Variants in PDZRN4 observed in about 807,000 individuals in gnomAD.
PDZRN4 encodes the protein PDZ domain-containing RING finger protein 4.
A neutral mutation model predicts 99.0 loss-of-function variants in PDZRN4; 70 were observed. The observed-to-expected ratio is 0.71, with a 90% CI of 0.58 to 0.86. PDZRN4 has a LOEUF of 0.86. Among genes scored for constraint, PDZRN4 ranks in the 40% least tolerant of loss-of-function variants. The pLI is 0.00. For synonymous variants in PDZRN4, 551 were observed against 501.6 expected (o/e 1.10, Z -1.32); for missense variants, 1,474 against 1,331.2 (o/e 1.11, Z -1.67).
At chr12:41,462,403 TA>T (rs1213482274) in intron 3 of PDZRN4, among the ~76,000 whole-genome samples, 1 of 152,202 alleles carries the variant, frequency 6.6e-6, no homozygotes, top group Non-Finnish European at 1.5e-5. Context: ...GCTTTAACTC[TA>T]AAAAGGTATT....
At chr12:41,238,642 C>G (rs151090745) in intron 3 of PDZRN4, among the ~76,000 whole-genome samples, 1 of 152,108 alleles carries the variant, frequency 6.6e-6, no homozygotes, top group East Asian at 1.9e-4. Context: ...CATCACTGAT[C>G]ATTAGAGAAA....
intron 5 of PDZRN4, among the ~76,000 whole-genome samples, chr12:41,518,728 C>T (rs1938444941): frequency 6.6e-6 from 1 of 151,954 alleles, no homozygotes; most frequent in South Asian, 2.1e-4. Context: ...TTAAAAGGAG[C>T]ATGGCTTGAG....
chr12:41,517,710 A>G (rs766872214), intron 5 of PDZRN4, among the ~76,000 whole-genome samples: 6 of 152,106 alleles, frequency 3.9e-5, no homozygotes, highest in Non-Finnish European at 7.4e-5. Flanking sequence ...AACTCATATA[A>G]GCAAAGTGAG....
chr12:41,360,721 G>A (rs867091648), intron 3 of PDZRN4, among the ~76,000 whole-genome samples: 5 of 151,894 alleles, frequency 3.3e-5, no homozygotes, highest in Admixed American at 6.6e-5. Flanking sequence ...TAGACTACCT[G>A]AAAGAAGCTT....
chr12:41,387,493 G>A (rs942936216), intron 3 of PDZRN4, among the ~76,000 whole-genome samples: 1 of 152,146 alleles, frequency 6.6e-6, no homozygotes, highest in Non-Finnish European at 1.5e-5. Flanking sequence ...GCTGAGGCAG[G>A]AGTATAGCTT....
At chr12:41,505,131 A>G (rs1938182802) in intron 3 of PDZRN4, among the ~76,000 whole-genome samples, 1 of 152,140 alleles carries the variant, frequency 6.6e-6, no homozygotes, top group Admixed American at 6.6e-5. Flanking sequence ...GAATGTGCCC[A>G]TTCGAATGTC....
chr12:41,484,418 G>C (rs1393407291), intron 3 of PDZRN4, among the ~76,000 whole-genome samples: 1 of 152,112 alleles, frequency 6.6e-6, no homozygotes, highest in Non-Finnish European at 1.5e-5. Flanking sequence ...AAGAGTTTTT[G>C]TTCAAATCCT....
At chr12:41,467,850 A>G (rs1952943568) in intron 3 of PDZRN4, among the ~76,000 whole-genome samples, 1 of 152,196 alleles carries the variant, frequency 6.6e-6, no homozygotes, top group African/African-American at 2.4e-5. Context: ...AATCATTCAT[A>G]ATTCATGGTG....
At chr12:41,542,103 C>T (rs570377830) in intron 5 of PDZRN4, among the ~76,000 whole-genome samples, 9 of 152,212 alleles carry the variant, frequency 5.9e-5, no homozygotes, top group Admixed American at 6.5e-5. Flanking sequence ...TCACCCCGTC[C>T]TTATGGATTG....
chr12:41,550,403 C>A (rs1469257962), intron 5 of PDZRN4, among the ~76,000 whole-genome samples: 1 of 152,086 alleles, frequency 6.6e-6, no homozygotes, highest in Non-Finnish European at 1.5e-5. Context: ...CAACTACATA[C>A]CTTGTTGCTG....
chr12:41,244,830 G>A lies in PDZRN4; in HGVS notation c.843+50642G>A, dbSNP rs112013469. On this transcript the variant is annotated intron_variant, in intron 3 of 9. Coordinates refer to ENST00000402685, the MANE Select transcript of PDZRN4 (RefSeq NM_001164595.2). ...CTCCCGAGTAGCTGGGACTACAGGCGCCCGCCACCGCGCCCGGCTAATTTT... is the reference window on the plus strand; with the variant it reads ...CTCCCGAGTAGCTGGGACTACAGGCACCCGCCACCGCGCCCGGCTAATTTT... Among the ~76,000 whole-genome samples, 1,438 of 145,976 alleles carry A rather than the reference G, an allele frequency of 9.9e-3. 15 individuals are homozygous for A. Among genetic ancestry groups the A allele is most frequent in the South Asian group, 0.024 (107 of 4,462 alleles).
chr12:41,415,125 A>C (rs1952433342), intron 3 of PDZRN4, among the ~76,000 whole-genome samples: 1 of 152,150 alleles, frequency 6.6e-6, no homozygotes, highest in Non-Finnish European at 1.5e-5. Flanking sequence ...ATATTAAAAT[A>C]TACCTCCATT....
In PDZRN4 at chr12:41,402,138, TATAC is replaced by T. The variant is rs1325580913; in HGVS notation, c.844-104316_844-104313del. 1.9e-3 allele frequency among the ~76,000 whole-genome samples: 72 copies of T among 38,656 alleles called. 4 individuals carry two copies. The highest frequency in any genetic ancestry group is 9.7e-3 in the African/African-American group (66 of 6,798). The allele number at this position is 38,656 out of a possible 152,430, so 25.4% of individuals were successfully genotyped here. On this transcript the variant is annotated intron_variant, in intron 3 of 9. Coordinates refer to ENST00000402685, the MANE Select transcript of PDZRN4 (RefSeq NM_001164595.2). ...GAGTATATATATATATATATATATATATACACACACTGAGTATATATATATATAT... is the reference window on the plus strand; with the variant it reads ...GAGTATATATATATATATATATATATACACACTGAGTATATATATATATAT...
chr12:41,564,952 C>A (rs1939338747), intron 8 of PDZRN4, among the ~76,000 whole-genome samples: 1 of 152,258 alleles, frequency 6.6e-6, no homozygotes, highest in East Asian at 1.9e-4. Context: ...AATGTGGTTT[C>A]CCTGCCCTTT....
At chr12:41,406,858 CAAAAAAAAAAAA>C (rs758320141) in intron 3 of PDZRN4, among the ~76,000 whole-genome samples, 1 of 46,926 alleles carries the variant, frequency 2.1e-5, no homozygotes, top group East Asian at 7.3e-4. Flanking sequence ...AACTCCGTCT[CAAAAAAAAAAAA>C]AAAAAAAAAA....
At chr12:41,423,562 T>C (rs1952509624) in intron 3 of PDZRN4, among the ~76,000 whole-genome samples, 1 of 152,170 alleles carries the variant, frequency 6.6e-6, no homozygotes, top group Non-Finnish European at 1.5e-5. Flanking sequence ...TGAAATCCCA[T>C]ACCTTTAAAC....
intron 3 of PDZRN4, chr12:41,411,446 C>T (rs1025594627): frequency 6.6e-6 from 1 of 152,180 alleles, no homozygotes; most frequent in African/African-American, 2.4e-5. Context: ...TAGATTAGTA[C>T]AACTTGCACC....
At chr12:41,505,393 G>A (rs1442391311) in intron 3 of PDZRN4, among the ~76,000 whole-genome samples, 1 of 152,106 alleles carries the variant, frequency 6.6e-6, no homozygotes, top group Non-Finnish European at 1.5e-5. Context: ...AGCTCTTTCA[G>A]GATTCTAGAG....
At chr12:41,384,004 T>G (rs1397123739) in intron 3 of PDZRN4, among the ~76,000 whole-genome samples, 1 of 17,546 alleles carries the variant, frequency 5.7e-5, no homozygotes, top group Non-Finnish European at 1.2e-4. Context: ...TTTTTTTTTT[T>G]TTTTTTTTTT....
Sources: allele counts gnomAD v4.1 joint callset (sites outside exome capture counted in the v4.1 genomes callset), GRCh38; gene constraint gnomAD v4.1.1; transcripts MANE v1.5; gene names NCBI Gene and HGNC (gene_info 2026-07-23, HGNC 2026-07-21).